The following HTR4 variants were observed in gnomAD, a reference collection of about 807,000 sequenced individuals.
The protein encoded by HTR4 is 5-hydroxytryptamine receptor 4.
In HTR4, 16 loss-of-function variants were observed where a neutral mutation model predicts 36.8. The observed-to-expected ratio is 0.43, with a 90% CI of 0.29 to 0.66. The LOEUF is 0.66. Ranked by LOEUF, HTR4 falls within the 30% of genes least tolerant of loss-of-function variation. The pLI is 0.13. For synonymous variants in HTR4, 189 were observed against 185.1 expected (o/e 1.02, Z -0.17); for missense variants, 438 against 490.9 (o/e 0.89, Z 1.02).
chr5:148,649,234 C>T (rs62389024), intron 1 of HTR4, among the ~76,000 whole-genome samples: 29,391 of 150,298 alleles, frequency 0.2, 3,431 homozygotes, highest in East Asian at 0.4. Context: ...TGAGTAAGTG[C>T]TTAGAGATAC....
intron 2 of HTR4, among the ~76,000 whole-genome samples, chr5:148,597,443 G>C (rs1204092333): frequency 1.3e-5 from 2 of 152,014 alleles, no homozygotes; most frequent in Admixed American, 1.3e-4. Flanking sequence ...ATCACTCTTG[G>C]GATTAAGAAC....
intron 5 of HTR4, among the ~76,000 whole-genome samples, chr5:148,470,216 T>C (rs1755530494): frequency 6.6e-6 from 1 of 152,218 alleles, no homozygotes; most frequent in African/African-American, 2.4e-5. Context: ...TAAAGATAGC[T>C]AACATTTCTT....
At chr5:148,522,065 T>C (rs923523778) in intron 5 of HTR4, among the ~76,000 whole-genome samples, 1 of 152,132 alleles carries the variant, frequency 6.6e-6, no homozygotes, top group Non-Finnish European at 1.5e-5. Flanking sequence ...GTAGTGAATA[T>C]GTCTCATGAG....
intron 2 of HTR4, among the ~76,000 whole-genome samples, chr5:148,631,007 G>C (rs764929382): frequency 3.3e-5 from 5 of 152,112 alleles, no homozygotes; most frequent in African/African-American, 1.2e-4. Flanking sequence ...ATAGGATCAC[G>C]TATATGTAGA....
At chr5:148,562,356 A>T (rs1383246468) in intron 2 of HTR4, among the ~76,000 whole-genome samples, 1 of 152,184 alleles carries the variant, frequency 6.6e-6, no homozygotes, top group Non-Finnish European at 1.5e-5. Context: ...ACAAAGACCT[A>T]TAAGAGCCTA....
At chr5:148,642,003 C>T (rs923557243) in intron 1 of HTR4, among the ~76,000 whole-genome samples, 2 of 152,172 alleles carry the variant, frequency 1.3e-5, no homozygotes, top group East Asian at 1.9e-4. Flanking sequence ...GTCATAACCT[C>T]GGCTTGCTTT....
chr5:148,466,023 T>A (rs1365183064), intron 5 of HTR4: 2 of 1,553,314 alleles, frequency 1.3e-6, no homozygotes, highest in Admixed American at 4.2e-5. Context: ...AGTAGACACA[T>A]GATCTCAGCC....
intron 2 of HTR4, among the ~76,000 whole-genome samples, chr5:148,614,153 C>T (rs954457063): frequency 6.6e-6 from 1 of 151,908 alleles, no homozygotes; most frequent in African/African-American, 2.4e-5. Flanking sequence ...GCTACCAATG[C>T]CTTTCTTCAC....
At chr5:148,451,326 C>T (rs887107572) in intron 5 of HTR4, 1 of 1,611,406 alleles carries the variant, frequency 6.2e-7, no homozygotes, top group African/African-American at 1.3e-5. Flanking sequence ...TCCAACTGCA[C>T]CGAAGTCAAG....
intron 4 of HTR4, among the ~76,000 whole-genome samples, chr5:148,538,080 A>C (rs1423189532): frequency 6.6e-6 from 1 of 152,206 alleles, no homozygotes; most frequent in African/African-American, 2.4e-5. Context: ...TTCAACATAC[A>C]CAAACCAACA....
chr5:148,472,746 A>T (rs1039340984), downstream of HTR4, among the ~76,000 whole-genome samples: 2 of 152,154 alleles, frequency 1.3e-5, no homozygotes, highest in African/African-American at 4.8e-5. Flanking sequence ...GAAGTTGCAC[A>T]CAGCCTGAGA....
chr5:148,562,685 A>G (rs1760266903), intron 2 of HTR4, among the ~76,000 whole-genome samples: 1 of 152,090 alleles, frequency 6.6e-6, no homozygotes, highest in African/African-American at 2.4e-5. Flanking sequence ...TCAAAATTGA[A>G]CTCCTGATTT....
intron 2 of HTR4, among the ~76,000 whole-genome samples, chr5:148,586,191 A>T (rs1454627880): frequency 6.6e-6 from 1 of 152,146 alleles, no homozygotes; most frequent in Non-Finnish European, 1.5e-5. Flanking sequence ...AGAGGCCAGA[A>T]CAATGCCTGC....
rs535090166 is a variant in HTR4 at position 148,648,033 on chromosome 5, G to C, written c.-48+6029C>G. 1.1e-3 allele frequency among the ~76,000 whole-genome samples: 160 copies of C among 152,288 alleles called. 1 individual carries two copies. The highest frequency in any genetic ancestry group is 3.7e-3 in the African/African-American group (152 of 41,566). ...TTGCAATTGTCCAAAGAATGGATTG[G>C]TGAATAGATAGACAGAAATATGACA... On this transcript the variant is annotated intron_variant, in intron 1 of 6. Coordinates refer to ENST00000377888, the MANE Select transcript of HTR4 (RefSeq NM_000870.7).
intron 4 of HTR4, among the ~76,000 whole-genome samples, chr5:148,539,274 G>A (rs1758988514): frequency 6.6e-6 from 1 of 152,028 alleles, no homozygotes; most frequent in Admixed American, 6.6e-5. Flanking sequence ...TAAAAACTCT[G>A]GAAGAGAAAC....
intron 5 of HTR4, among the ~76,000 whole-genome samples, chr5:148,468,019 A>G (rs377085938): frequency 6.6e-6 from 1 of 152,184 alleles, no homozygotes; most frequent in African/African-American, 2.4e-5. Context: ...CAGTCTTCCC[A>G]TTCTTAAGTT....
chr5:148,589,976 A>G (rs1402108676), intron 2 of HTR4, among the ~76,000 whole-genome samples: 1 of 152,072 alleles, frequency 6.6e-6, no homozygotes, highest in African/African-American at 2.4e-5. Flanking sequence ...CAAACTTTGT[A>G]CCCTTTGCCC....
At position 148,654,241 on chromosome 5, in the gene HTR4, G is replaced by A. The variant is rs989274199; in HGVS notation, c.-227C>T. 4.1e-6 allele frequency: 4 copies of A among 985,130 alleles called. No individual in the cohort carries two copies. The African/African-American group carries it at 7.0e-5, about 17-fold the overall frequency. 61.0% of individuals were successfully genotyped at this position (985,130 alleles called of 1,614,324 possible). A position where few individuals can be genotyped will look rare whatever the true frequency, so the allele number is the denominator to read the frequency against. ...GCGCTGGGGAGCCGGCGAGCGTGAGGCGCGGGCCAGGGGCTGCGGGCGCAG... is the reference window on the plus strand; with the variant it reads ...GCGCTGGGGAGCCGGCGAGCGTGAGACGCGGGCCAGGGGCTGCGGGCGCAG... On this transcript the variant is annotated 5_prime_UTR_variant, in exon 1 of 7. Coordinates refer to ENST00000377888, the MANE Select transcript of HTR4 (RefSeq NM_000870.7).
intron 5 of HTR4, among the ~76,000 whole-genome samples, chr5:148,515,575 G>T (rs1368386): frequency 0.45 from 69,076 of 151,818 alleles, 16,106 homozygotes; most frequent in African/African-American, 0.56. Context: ...TCATCTTAAT[G>T]TTTAAAGCAT....
Sources: gnomAD v4.1 joint callset for allele counts (sites outside exome capture counted in the v4.1 genomes callset) on GRCh38, gnomAD v4.1.1 for gene constraint, MANE v1.5 for transcripts, NCBI Gene and HGNC (gene_info 2026-07-23, HGNC 2026-07-21) for gene names.